The following ARRB1 variants were observed in gnomAD, a reference collection of about 807,000 sequenced individuals.
ARRB1 encodes the protein beta-arrestin-1.
In ARRB1, 21 loss-of-function variants were observed where a neutral mutation model predicts 56.8. The observed-to-expected ratio is 0.37, with a 90% CI of 0.26 to 0.53. ARRB1 has a LOEUF of 0.53. Ranked by LOEUF, ARRB1 falls within the 20% of genes least tolerant of loss-of-function variation. The pLI is 0.88. For synonymous variants in ARRB1, 210 were observed against 218.6 expected, an observed-to-expected ratio of 0.96 and a Z score of 0.35; for missense variants, 424 against 553.7, an observed-to-expected ratio of 0.77 and a Z score of 2.35.
rs377206718 is a variant in ARRB1 at position 75,277,081 on chromosome 11, C to T, written c.704-170G>A. 1.3e-4 allele frequency among the ~76,000 whole-genome samples: 20 copies of T among 152,326 alleles called. No homozygotes were observed. The East Asian group carries it at 3.5e-3, about 26-fold the overall frequency. On this transcript the variant is annotated intron_variant, in intron 9 of 15. Transcript: ENST00000420843. ...CTTACATCCAAAGGGTAGCCCCAAA[C>T]ACACCCATTTCCTTCCATAACCAAA...
At chr11:75,298,044 T>G (rs1448259663) in intron 1 of ARRB1, among the ~76,000 whole-genome samples, 1 of 149,470 alleles carries the variant, frequency 6.7e-6, no homozygotes, top group Non-Finnish European at 1.5e-5. Context: ...ATAGACAAAA[T>G]TTTAAAACTT....
chr11:75,301,010 C>T (rs1285779890), intron 1 of ARRB1, among the ~76,000 whole-genome samples: 1 of 143,156 alleles, frequency 7.0e-6, no homozygotes, highest in Non-Finnish European at 1.5e-5. Flanking sequence ...TAGGCATGGT[C>T]GTGGGCGCCT....
At chr11:75,326,045 A>G (rs1947428389) in intron 1 of ARRB1, among the ~76,000 whole-genome samples, 1 of 152,080 alleles carries the variant, frequency 6.6e-6, no homozygotes, top group Non-Finnish European at 1.5e-5. Flanking sequence ...GTCCCCTCAA[A>G]CCTAGGGCAC....
At position 75,332,724 on chromosome 11, in the gene ARRB1, G is replaced by A. The variant is rs564084901; in HGVS notation, c.20+18864C>T. On this transcript the variant is annotated intron_variant, in intron 1 of 15. Coordinates refer to ENST00000420843, the MANE Select transcript of ARRB1 (RefSeq NM_004041.5). Reference sequence around the variant, plus strand: ...AGCCTGGCCAATATGGTGAAACCCCGTCTCAACTAAAAATACAAAAATTAG... The same window carrying A: ...AGCCTGGCCAATATGGTGAAACCCCATCTCAACTAAAAATACAAAAATTAG... Among the ~76,000 whole-genome samples, 9 of 152,170 alleles carry A rather than the reference G, an allele frequency of 5.9e-5. No homozygotes were observed. In the East Asian group the frequency reaches 9.7e-4, roughly 16 times the overall value.
At chr11:75,279,177 T>C (rs1038482607) in intron 7 of ARRB1, among the ~76,000 whole-genome samples, 4 of 152,256 alleles carry the variant, frequency 2.6e-5, no homozygotes, top group Non-Finnish European at 4.4e-5. Context: ...TTCACAGCTG[T>C]ACTCTCAGCA....
rs1177478943 is a variant in ARRB1 at position 75,276,830 on chromosome 11, C to T, written c.776+9G>A. 3 of 1,613,712 alleles carry T rather than the reference C, an allele frequency of 1.9e-6. No homozygotes were observed. The highest frequency in any genetic ancestry group is 2.5e-6 in the Non-Finnish European group (3 of 1,179,734). ...CCATACGCCCAAGGCCAGACTTGTG[C>T]CCACTTACTCAGCCTCTTCCATGGC... On this transcript the variant is annotated intron_variant, in intron 10 of 15. Coordinates refer to ENST00000420843, the MANE Select transcript of ARRB1 (RefSeq NM_004041.5).
At position 75,317,319 on chromosome 11, in the gene ARRB1, C is replaced by A. The variant is rs770614841; in HGVS notation, c.21-27280G>T. The stretch of plus-strand genomic sequence containing the variant: ...CACCCTTAGCCCCTATGGCCCATCT[C>A]CTCCCTCCAGGTGCTCTCCCCTCCC... On this transcript the variant is annotated intron_variant, in intron 1 of 15. Transcript: ENST00000420843. Among the ~76,000 whole-genome samples, 263 of 152,226 alleles carry A rather than the reference C, an allele frequency of 1.7e-3. 1 individual carries two copies. The highest frequency in any genetic ancestry group is 2.6e-3 in the Non-Finnish European group (179 of 68,010).
intron 11 of ARRB1, among the ~76,000 whole-genome samples, chr11:75,273,714 C>A (rs1946127380): frequency 6.6e-6 from 1 of 152,154 alleles, no homozygotes; most frequent in Non-Finnish European, 1.5e-5. Context: ...TGGGTCTAAC[C>A]CAGCTCACCA....
chr11:75,277,292 A>G (rs1946221871), intron 9 of ARRB1, 72 bp downstream of exon 9: 3 of 1,446,718 alleles, frequency 2.1e-6, no homozygotes, highest in African/African-American at 1.4e-5. Flanking sequence ...AAGGGGAGAT[A>G]CTTCAGCCAC....
chr11:75,277,911 G>A (rs1591904807), intron 8 of ARRB1, among the ~76,000 whole-genome samples: 1 of 152,336 alleles, frequency 6.6e-6, no homozygotes, highest in South Asian at 2.1e-4. Context: ...AAGCCTCAGG[G>A]TCTCCCTCTG....
At chr11:75,342,213 C>G (rs1256012055) in intron 1 of ARRB1, among the ~76,000 whole-genome samples, 1 of 152,174 alleles carries the variant, frequency 6.6e-6, no homozygotes, top group African/African-American at 2.4e-5. Context: ...GCCCACTTCT[C>G]TCCCTCTTTC....
At chr11:75,291,174 T>G (rs1259593453) in intron 1 of ARRB1, among the ~76,000 whole-genome samples, 1 of 152,028 alleles carries the variant, frequency 6.6e-6, no homozygotes, top group African/African-American at 2.4e-5. Flanking sequence ...CCATCTCTAC[T>G]AAAAATGCAA....
At chr11:75,294,166 T>C (rs1946671448) in intron 1 of ARRB1, among the ~76,000 whole-genome samples, 1 of 152,154 alleles carries the variant, frequency 6.6e-6, no homozygotes, top group Non-Finnish European at 1.5e-5. Flanking sequence ...GTCTGTCATG[T>C]AGTCAAGGAG....
intron 1 of ARRB1, among the ~76,000 whole-genome samples, chr11:75,311,063 G>A (rs576453453): frequency 3.9e-5 from 6 of 152,314 alleles, no homozygotes; most frequent in South Asian, 2.1e-4. Context: ...AGGGCCAGGC[G>A]CGGTGGCTCA....
rs937605663 is a variant in ARRB1 at position 75,269,120 on chromosome 11, G to C, written c.1023-161C>G. 5.2e-6 allele frequency: 4 copies of C among 773,754 alleles called. No individual in the cohort carries two copies. In the Admixed American group the frequency reaches 7.7e-5, roughly 15 times the overall value. The allele number at this position is 773,754 out of a possible 1,614,324, so 47.9% of individuals were successfully genotyped here. ...CCCCAGTTCTGCCACTCGGAGCCTC[G>C]GTCTGCCTGGGAGCTGGACGAGGAG... On this transcript the variant is annotated intron_variant, in intron 13 of 15. Transcript: ENST00000420843.
chr11:75,276,921 G>C lies in ARRB1; in HGVS notation c.704-10C>G. On this transcript the variant is annotated splice_polypyrimidine_tract_variant and intron_variant, in intron 9 of 15. Coordinates refer to ENST00000420843, the MANE Select transcript of ARRB1 (RefSeq NM_004041.5). ...TCTGCATACTGGCGCACTAGGGAGG[G>C]AGAGGAATCAAGGTGGAGTGAGTCG... 1 of 1,613,994 alleles carries C rather than the reference G, an allele frequency of 6.2e-7. No individual in the cohort carries two copies.
intron 1 of ARRB1, among the ~76,000 whole-genome samples, chr11:75,314,801 T>C (rs910963532): frequency 1.3e-5 from 2 of 151,350 alleles, no homozygotes; most frequent in African/African-American, 4.8e-5. Context: ...GCGATGGGGT[T>C]TCACCATGTT....
chr11:75,279,537 G>T, intron 7 of ARRB1, among the ~76,000 whole-genome samples: 1 of 152,204 alleles, frequency 6.6e-6, no homozygotes, highest in Non-Finnish European at 1.5e-5. Flanking sequence ...CAGGGAGCCA[G>T]GGTCAAACTC....
At chr11:75,314,663 C>G (rs1174981053) in intron 1 of ARRB1, among the ~76,000 whole-genome samples, 1 of 152,008 alleles carries the variant, frequency 6.6e-6, no homozygotes, top group East Asian at 1.9e-4. Context: ...TGCAGTGGCA[C>G]CATCACAGCT....
Sources: gnomAD v4.1 joint callset for allele counts (sites outside exome capture counted in the v4.1 genomes callset) on GRCh38, gnomAD v4.1.1 for gene constraint, MANE v1.5 for transcripts, NCBI Gene and HGNC (gene_info 2026-07-23, HGNC 2026-07-21) for gene names.